The following KLHL1 variants were observed in gnomAD, a reference collection of about 807,000 sequenced individuals.
KLHL1 encodes kelch-like protein 1.
In KLHL1, 47 loss-of-function variants were observed where a neutral mutation model predicts 77.7. The observed-to-expected ratio is 0.60, with a 90% confidence interval of 0.48 to 0.77. KLHL1 has a LOEUF of 0.77. Ranked by LOEUF, KLHL1 falls within the 30% of genes least tolerant of loss-of-function variation. The pLI is 0.00. For synonymous variants in KLHL1, 360 were observed against 325.2 expected (o/e 1.11, Z -1.15); for missense variants, 925 against 910.8 (o/e 1.02, Z -0.20).
chr13:69,841,829 C>A, intron 5 of KLHL1, among the ~76,000 whole-genome samples: 2 of 151,440 alleles, frequency 1.3e-5, no homozygotes, highest in Non-Finnish European at 1.5e-5. Context: ...CGGTATTTCT[C>A]TAAAGATAGA....
In KLHL1 at chr13:70,032,455, T is replaced by C. The variant is rs181829200; in HGVS notation, c.498-56653A>G. The stretch of plus-strand genomic sequence containing the variant: ...ACGGAGCAAATTGAAGAAATGAGTA[T>C]AGTGGATCCCAATATCATAAAAAAG... On this transcript the variant is annotated intron_variant, in intron 1 of 10. Transcript: ENST00000377844. Among the ~76,000 whole-genome samples the C allele has an allele frequency of 3.9e-5, 6 of 152,254 alleles. No individual in the cohort carries two copies. In the East Asian group the frequency reaches 1.2e-3, roughly 29 times the overall value.
intron 8 of KLHL1, among the ~76,000 whole-genome samples, chr13:69,736,819 A>T (rs2137923599): frequency 6.6e-6 from 1 of 152,280 alleles, no homozygotes; most frequent in Admixed American, 6.5e-5. Flanking sequence ...ATGGAAAACC[A>T]AACATAGTAT....
At chr13:69,878,823 T>C (rs1296161010) in intron 5 of KLHL1, among the ~76,000 whole-genome samples, 2 of 151,778 alleles carry the variant, frequency 1.3e-5, no homozygotes, top group African/African-American at 4.8e-5. Flanking sequence ...GTGGCACTAG[T>C]CACAATAGCA....
At chr13:70,006,885 T>A (rs1441569) in intron 1 of KLHL1, among the ~76,000 whole-genome samples, 1 of 152,054 alleles carries the variant, frequency 6.6e-6, no homozygotes, top group Non-Finnish European at 1.5e-5. Context: ...TAAATAATCA[T>A]ACAATGTTTT....
At chr13:69,930,057 G>A (rs1371498803) in intron 4 of KLHL1, among the ~76,000 whole-genome samples, 1 of 151,804 alleles carries the variant, frequency 6.6e-6, no homozygotes, top group African/African-American at 2.4e-5. Flanking sequence ...GTTGGAAATA[G>A]TAGCATCACT....
chr13:69,825,075 C>T (rs186934985), intron 6 of KLHL1, among the ~76,000 whole-genome samples: 11 of 152,086 alleles, frequency 7.2e-5, no homozygotes, highest in Admixed American at 3.9e-4. Context: ...ATACTAGTAA[C>T]GATATCACTT....
At chr13:70,003,580 G>GA (rs1315575250) in intron 1 of KLHL1, among the ~76,000 whole-genome samples, 1 of 151,718 alleles carries the variant, frequency 6.6e-6, no homozygotes, top group Non-Finnish European at 1.5e-5. Flanking sequence ...GGATATAAAA[G>GA]AAATAAAGTG....
intron 8 of KLHL1, among the ~76,000 whole-genome samples, chr13:69,727,418 A>T (rs1873349802): frequency 6.6e-6 from 1 of 152,106 alleles, no homozygotes; most frequent in Non-Finnish European, 1.5e-5. Context: ...ACAAGTTAAT[A>T]AGAAAAAGCA....
intron 5 of KLHL1, among the ~76,000 whole-genome samples, chr13:69,861,555 T>C (rs142903605): frequency 8.3e-4 from 126 of 152,088 alleles, no homozygotes; most frequent in Non-Finnish European, 1.6e-3. Context: ...TATATGCATA[T>C]GTATATATAT....
chr13:69,856,462 C>T (rs1330299181), intron 5 of KLHL1, among the ~76,000 whole-genome samples: 1 of 152,000 alleles, frequency 6.6e-6, no homozygotes, highest in African/African-American at 2.4e-5. Flanking sequence ...TTTCTGCCAG[C>T]ATCCATTAAA....
intron 7 of KLHL1, among the ~76,000 whole-genome samples, chr13:69,782,230 G>A (rs548869001): frequency 3.2e-4 from 49 of 152,314 alleles, no homozygotes; most frequent in Admixed American, 1.9e-3. Context: ...AGCTCCCAGC[G>A]TGAGCGACGC....
intron 6 of KLHL1, among the ~76,000 whole-genome samples, chr13:69,822,056 G>C (rs114163950): frequency 6.6e-6 from 1 of 151,898 alleles, no homozygotes; most frequent in Middle Eastern, 3.2e-3. Flanking sequence ...AATATTAGCT[G>C]GGTGTAGTGG....
At chr13:69,777,394 TATTAA>T (rs1875884330) in intron 7 of KLHL1, among the ~76,000 whole-genome samples, 1 of 152,202 alleles carries the variant, frequency 6.6e-6, no homozygotes, top group African/African-American at 2.4e-5. Context: ...AATATTTGAT[TATTAA>T]ATTAAAATTT....
At chr13:70,100,236 G>A (rs1241617786) in intron 1 of KLHL1, among the ~76,000 whole-genome samples, 5 of 151,720 alleles carry the variant, frequency 3.3e-5, no homozygotes, top group Non-Finnish European at 7.4e-5. Flanking sequence ...CAGTGTATGA[G>A]TCTTTCACAT....
At chr13:69,702,708 T>A (rs1875453715) in intron 10 of KLHL1, among the ~76,000 whole-genome samples, 1 of 151,772 alleles carries the variant, frequency 6.6e-6, no homozygotes. Context: ...CCACTGTAGG[T>A]TAAAAAAATC....
At chr13:69,784,183 A>C (rs186675683) in intron 7 of KLHL1, among the ~76,000 whole-genome samples, 2 of 152,328 alleles carry the variant, frequency 1.3e-5, no homozygotes, top group African/African-American at 4.8e-5. Context: ...TCCTGAAGGA[A>C]GCACTAAACA....
chr13:70,098,546 A>T (rs1887846558), intron 1 of KLHL1, among the ~76,000 whole-genome samples: 1 of 151,894 alleles, frequency 6.6e-6, no homozygotes, highest in Admixed American at 6.6e-5. Context: ...ATAATATTTG[A>T]AAAGTTGAGG....
intron 1 of KLHL1, among the ~76,000 whole-genome samples, chr13:70,030,887 C>A (rs1886079961): frequency 1.3e-5 from 2 of 151,996 alleles, no homozygotes; most frequent in Admixed American, 1.3e-4. Flanking sequence ...ATCAAATAGA[C>A]ACAATAAAAA....
At chr13:69,773,985 C>G (rs146150987) in intron 7 of KLHL1, among the ~76,000 whole-genome samples, 2 of 151,694 alleles carry the variant, frequency 1.3e-5, no homozygotes, top group African/African-American at 4.8e-5. Context: ...ATGTTATTTG[C>G]TAATTATTTT....
Sources: allele counts gnomAD v4.1 joint callset (sites outside exome capture counted in the v4.1 genomes callset), GRCh38; gene constraint gnomAD v4.1.1; transcripts MANE v1.5; gene names NCBI Gene and HGNC (gene_info 2026-07-23, HGNC 2026-07-21).